Variants in GLB1 observed in about 807,000 individuals in gnomAD.
GLB1 encodes the protein galactosidase beta 1.
A neutral mutation model predicts 74.0 loss-of-function variants in GLB1; 56 were observed. The observed-to-expected ratio is 0.76, with a 90% confidence interval of 0.61 to 0.94. The LOEUF (loss-of-function observed/expected upper bound fraction) is 0.94. Ranked by LOEUF, GLB1 falls within the 40% of genes least tolerant of loss-of-function variation. GLB1 has a pLI of 0.00. For synonymous variants in GLB1, 323 were observed against 323.6 expected, an observed-to-expected ratio of 1.00 and a Z score of 0.02; for missense variants, 787 against 845.5, an observed-to-expected ratio of 0.93 and a Z score of 0.86.
chr3:33,009,152 A>AATAC (rs1339434707), intron 15 of GLB1, among the ~76,000 whole-genome samples: 1 of 132,366 alleles, frequency 7.6e-6, no homozygotes, highest in Admixed American at 7.0e-5. Flanking sequence ...TAAATAAATA[A>AATAC]ATAAAAAAGA....
At chr3:33,086,746 T>C (rs950021339) in intron 1 of GLB1, among the ~76,000 whole-genome samples, 8 of 152,022 alleles carry the variant, frequency 5.3e-5, no homozygotes, top group African/African-American at 1.9e-4. Flanking sequence ...TTAAGACATA[T>C]GACCCAGATA....
chr3:32,977,195 A>C, the GLB1 span, among the ~76,000 whole-genome samples: 2 of 148,422 alleles, frequency 1.3e-5, no homozygotes, highest in African/African-American at 4.9e-5. Flanking sequence ...TTTTAAAGAC[A>C]AACCTCATCT....
chr3:32,982,574 A>G, the GLB1 span, among the ~76,000 whole-genome samples: 1 of 152,282 alleles, frequency 6.6e-6, no homozygotes, highest in South Asian at 2.1e-4. Flanking sequence ...TTCCTGTCTT[A>G]TAGTTCTTGT....
At chr3:33,067,301 C>T (rs993620823) in intron 4 of GLB1, among the ~76,000 whole-genome samples, 2 of 151,862 alleles carry the variant, frequency 1.3e-5, no homozygotes, top group Admixed American at 6.6e-5. Context: ...CTACGCCCGA[C>T]CTTATTTCTT....
chr3:33,069,542 T>C (rs1699817134), intron 2 of GLB1, among the ~76,000 whole-genome samples: 1 of 152,200 alleles, frequency 6.6e-6, no homozygotes, highest in Non-Finnish European at 1.5e-5. Context: ...TGACTTACTA[T>C]TTACTATTGA....
At chr3:33,080,268 C>T (rs1223137149) in intron 1 of GLB1, among the ~76,000 whole-genome samples, 8 of 152,050 alleles carry the variant, frequency 5.3e-5, no homozygotes, top group Non-Finnish European at 7.4e-5. Context: ...TTAGTAGAGA[C>T]GGGGTTTCAC....
chr3:32,961,202 GCAAGAAGAATGAATTTTAAAACCCC>G, the GLB1 span, among the ~76,000 whole-genome samples: 1 of 152,226 alleles, frequency 6.6e-6, no homozygotes, highest in East Asian at 1.9e-4. Context: ...TGAAACAGCA[GCAAGAAGAATGAATTTTAAAACCCC>G]CAAACTCCAT....
At chr3:33,009,709 G>A (rs1406153899) in intron 15 of GLB1, among the ~76,000 whole-genome samples, 1 of 152,162 alleles carries the variant, frequency 6.6e-6, no homozygotes, top group African/African-American at 2.4e-5. Context: ...CATCATTCAA[G>A]TTAGTTTCAG....
At chr3:33,028,757 C>T (rs916892830) in intron 10 of GLB1, among the ~76,000 whole-genome samples, 1 of 152,012 alleles carries the variant, frequency 6.6e-6, no homozygotes, top group Non-Finnish European at 1.5e-5. Context: ...CCTCCACCTC[C>T]CAGGTTCCAG....
intron 10 of GLB1, chr3:33,030,913 G>A: frequency 1.3e-6 from 1 of 748,152 alleles, no homozygotes; most frequent in Non-Finnish European, 1.6e-6. Flanking sequence ...CAGTAGGGAA[G>A]AGGAGGTCGC....
intron 10 of GLB1, chr3:33,034,430 C>G: frequency 2.7e-6 from 2 of 739,780 alleles, no homozygotes; most frequent in Non-Finnish European, 5.0e-6. Context: ...CTGTGACAAC[C>G]TCTTCAAGGA....
intron 15 of GLB1, among the ~76,000 whole-genome samples, chr3:33,010,398 G>A (rs1214294314): frequency 6.6e-6 from 1 of 152,102 alleles, no homozygotes; most frequent in Admixed American, 6.5e-5. Flanking sequence ...TACCAAAGAA[G>A]GTATACAAAT....
chr3:33,034,553 G>T (rs928228097), intron 10 of GLB1: 11 of 723,996 alleles, frequency 1.5e-5, no homozygotes, highest in Admixed American at 7.4e-5. Context: ...CTCCTGGGAT[G>T]GTCGTGTGTT....
intron 10 of GLB1, chr3:33,045,630 G>C (rs1369001497): frequency 1.0e-6 from 1 of 992,606 alleles, no homozygotes; most frequent in Admixed American, 5.5e-5. Flanking sequence ...CCAGAGCTTA[G>C]CTTTACCTCT....
chr3:33,091,024 A>G, intron 1 of GLB1: 1 of 985,448 alleles, frequency 1.0e-6, no homozygotes, highest in Non-Finnish European at 1.2e-6. Flanking sequence ...AACACGTAAC[A>G]GGTGAGTCAA....
chr3:33,028,530 T>C (rs567550606), intron 10 of GLB1, among the ~76,000 whole-genome samples: 1 of 152,294 alleles, frequency 6.6e-6, no homozygotes, highest in African/African-American at 2.4e-5. Context: ...ATTATCCTTT[T>C]AAATTTTTAT....
chr3:32,964,803 C>T, the GLB1 span, among the ~76,000 whole-genome samples: 2 of 152,186 alleles, frequency 1.3e-5, no homozygotes, highest in African/African-American at 2.4e-5. Context: ...CAAATCTCAT[C>T]TTGAACTGTA....
At chr3:32,986,721 G>A in the GLB1 span, among the ~76,000 whole-genome samples, 1 of 151,766 alleles carries the variant, frequency 6.6e-6, no homozygotes, top group Non-Finnish European at 1.5e-5. Context: ...CTCCCAAGTA[G>A]CTGGGATTAC....
Position 33,074,324 on chromosome 3 carries a change from A to AGAAG in GLB1, c.76-1615_76-1612dup, listed in dbSNP as rs71622579. Among the ~76,000 whole-genome samples, 121 of 92,976 alleles carry AGAAG rather than the reference A, an allele frequency of 1.3e-3. 1 individual carries two copies. The highest frequency in any genetic ancestry group is 5.1e-3 in the African/African-American group (113 of 22,180). 61.0% of individuals were successfully genotyped at this position (92,976 alleles called of 152,430 possible). A position where few individuals can be genotyped will look rare whatever the true frequency, so the allele number is the denominator to read the frequency against. ...ACTCCGTCAAAAGAAAGAACGAGAA[A>AGAAG]GAAGGAAGGAAGGAAGGAAGGAAGG... On this transcript the variant is annotated intron_variant, in intron 1 of 15. Transcript: ENST00000307363.
Sources: gnomAD v4.1 joint callset for allele counts (sites outside exome capture counted in the v4.1 genomes callset) on GRCh38, gnomAD v4.1.1 for gene constraint, MANE v1.5 for transcripts, NCBI Gene and HGNC (gene_info 2026-07-23, HGNC 2026-07-21) for gene names.